Variants in PDE1B observed in about 807,000 individuals in gnomAD.
The protein encoded by PDE1B is phosphodiesterase 1B.
Under a neutral mutation model 66.7 loss-of-function variants are expected in PDE1B, and 13 were observed. The ratio of observed to expected loss-of-function variants is 0.19; its 90% CI spans 0.13 to 0.31. PDE1B has a LOEUF of 0.31. Ranked by LOEUF, PDE1B falls within the 10% of genes least tolerant of loss-of-function variation. PDE1B has a pLI of 1.00. For synonymous variants in PDE1B, 230 were observed against 253.9 expected, an observed-to-expected ratio of 0.91 and a Z score of 0.90; for missense variants, 485 against 682.3, an observed-to-expected ratio of 0.71 and a Z score of 3.22.
Position 54,576,466 on chromosome 12 carries a change from C to T in PDE1B, c.1377-105C>T, listed in dbSNP as rs1957749298. On this transcript the variant is annotated intron_variant, in intron 13 of 15. Coordinates refer to ENST00000243052, the MANE Select transcript of PDE1B (RefSeq NM_000924.4). Reference sequence around the variant, plus strand: ...AGAGGAAAAGAGGAAGATGAAGTTCCCTGAACCTTCTCCTGGTCTTCCATG... The same window carrying T: ...AGAGGAAAAGAGGAAGATGAAGTTCTCTGAACCTTCTCCTGGTCTTCCATG... 2.2e-6 allele frequency: 3 copies of T among 1,392,680 alleles called. No homozygotes were observed. The African/African-American group carries it at 4.3e-5, about 20-fold the overall frequency. The allele number at this position is 1,392,680 out of a possible 1,614,324, so 86.3% of individuals were successfully genotyped here.
rs1619029 is a variant in PDE1B, at chr12:54,573,505, T to A, written c.962+25T>A. The stretch of plus-strand genomic sequence containing the variant: ...TGTGAGCAGAAGCCAGTACTTGGCA[T>A]CCCTAAGAGACTCCCTTACCACAAA... On this transcript the variant is annotated intron_variant, in intron 9 of 15. Coordinates refer to ENST00000243052, the MANE Select transcript of PDE1B (RefSeq NM_000924.4). This position sits in a 1 kb window ranked among gnomAD's most constrained non-coding sequence, Gnocchi z 5.2. The A allele has an allele frequency of 4.5e-3, 7,281 of 1,614,012 alleles. 288 individuals are homozygous for A. In the African/African-American group the frequency reaches 0.084, roughly 19 times the overall value.
chr12:54,576,684 A>C lies in PDE1B; in HGVS notation c.1490A>C (p.Lys497Thr). 6.2e-7 allele frequency: 1 copy of C among 1,609,802 alleles called. No homozygotes were observed. Among genetic ancestry groups the C allele is most frequent in the Non-Finnish European group, 8.5e-7 (1 of 1,177,840 alleles). ...KRIQENKQKWKERAASGITNQ... is the reference protein window; with the variant it reads ...KRIQENKQKWTERAASGITNQ... ...ATTCAGGAGAATAAGCAGAAATGGA[A>C]GGAACGGGCAGCAAGTGGTGGGTAC... The change falls in exon 14 of 16, where the codon AAG (lysine) becomes ACG (threonine). Residue 497 changes from lysine to threonine, a missense_variant. Transcript: ENST00000243052.
rs768971074 is a variant in PDE1B, at chr12:54,572,620, T to C, written c.614T>C (p.Met205Thr). The change falls in exon 7 of 16, where the codon ATG becomes ACG. Residue 205 changes from methionine to threonine, a missense_variant. Transcript: ENST00000243052. ...CCGCAGATTCCCACTGTGTTTTTGA[T>C]GAGTTTCCTGGATGCCTTGGAGACA... Reference protein sequence around the residue: ...SRFKIPTVFLMSFLDALETGY... With the variant: ...SRFKIPTVFLTSFLDALETGY... The C allele has an allele frequency of 2.5e-6, 4 of 1,612,988 alleles. No homozygotes were observed. Among genetic ancestry groups the C allele is most frequent in the Non-Finnish European group, 2.5e-6 (3 of 1,178,980 alleles).
Sources: allele counts gnomAD v4.1 joint callset, GRCh38; gene constraint gnomAD v4.1.1; non-coding constraint Gnocchi (gnomAD v3.1); transcripts MANE v1.5; gene names NCBI Gene and HGNC (gene_info 2026-07-23, HGNC 2026-07-21).